The following SETBP1 variants were observed in gnomAD, a reference collection of about 807,000 sequenced individuals.
SETBP1 encodes SET-binding protein.
Under a neutral mutation model 101.0 loss-of-function variants are expected in SETBP1, and 9 were observed. The ratio of observed to expected loss-of-function variants is 0.09; its 90% CI spans 0.05 to 0.16. The LOEUF is 0.16. SETBP1 is among the 10% of genes least tolerant of loss of function. The pLI is 1.00. For synonymous variants in SETBP1, 818 were observed against 788.5 expected (o/e 1.04, Z -0.63); for missense variants, 1,858 against 2,033.8 (o/e 0.91, Z 1.66).
At position 45,063,630 on chromosome 18, in the gene SETBP1, C is replaced by T; in HGVS notation, c.4723C>T (p.Gln1575Ter). 2 of 1,604,422 alleles carry T rather than the reference C, an allele frequency of 1.2e-6. No homozygotes were observed. Among genetic ancestry groups the T allele is most frequent in the Non-Finnish European group, 1.7e-6 (2 of 1,175,660 alleles). The change falls in exon 6 of 6, where the codon CAG becomes TAG. Residue 1575 changes from glutamine to a stop codon, truncating the protein, a stop_gained. Transcript: ENST00000649279. LOFTEE classifies it high-confidence loss of function. ...QQSPPQQPLP[Q>*]EEEVKAKRQR... ...GTCGCCCCCGCAGCAGCCCCTTCCC[C>T]AGGAAGAGGAGGTGAAAGCCAAAAG... is the stretch of plus-strand genomic sequence containing the variant.
In SETBP1 at chr18:45,065,622, T is replaced by C. The variant is rs766273084; in HGVS notation, c.*1924T>C. 1 of 152,242 alleles carries C rather than the reference T, an allele frequency of 6.6e-6. No homozygotes were observed. Among genetic ancestry groups the C allele is most frequent in the Non-Finnish European group, 1.5e-5 (1 of 68,042 alleles). 9.4% of individuals were successfully genotyped at this position (152,242 alleles called of 1,614,324 possible). A position where few individuals can be genotyped will look rare whatever the true frequency, so the allele number is the denominator to read the frequency against. On this transcript the variant is annotated 3_prime_UTR_variant, in exon 6 of 6. Transcript: ENST00000649279. ...TATGGCACCAAGAGTTGGTTGAAATTACCCACGTAGTCATACTCCTGTGCT... is the reference window on the plus strand; with the variant it reads ...TATGGCACCAAGAGTTGGTTGAAATCACCCACGTAGTCATACTCCTGTGCT...
chr18:44,726,882 T>C (rs1329071933), intron 2 of SETBP1, among the ~76,000 whole-genome samples: 1 of 152,216 alleles, frequency 6.6e-6, no homozygotes, highest in Non-Finnish European at 1.5e-5. Context: ...TGTTTCTGTT[T>C]TTCATTCTGG....
chr18:44,877,938 G>C (rs1190559715), intron 3 of SETBP1, among the ~76,000 whole-genome samples: 1 of 152,122 alleles, frequency 6.6e-6, no homozygotes, highest in East Asian at 1.9e-4. Context: ...AAGACATTCT[G>C]ACCATCTGAG....
chr18:44,768,140 G>T (rs1224138364), intron 2 of SETBP1, among the ~76,000 whole-genome samples: 2 of 152,202 alleles, frequency 1.3e-5, no homozygotes, highest in East Asian at 1.9e-4. Flanking sequence ...ATCTTGTAGA[G>T]TCTGGGCTGG....
intron 4 of SETBP1, among the ~76,000 whole-genome samples, chr18:44,956,259 C>G (rs113047104): frequency 6.6e-6 from 1 of 151,842 alleles, no homozygotes; most frequent in South Asian, 2.1e-4. Flanking sequence ...GGCTGTGCCC[C>G]CAAAGCATGA....
At chr18:44,869,145 T>G in intron 2 of SETBP1, 85 bp from the exon 3 acceptor site, 1 of 1,179,896 alleles carries the variant, frequency 8.5e-7, no homozygotes, top group Non-Finnish European at 1.3e-6. Flanking sequence ...CAGGCTATGG[T>G]AAGTCCATTG....
intron 2 of SETBP1, among the ~76,000 whole-genome samples, chr18:44,755,721 G>A (rs147548668): frequency 1.3e-5 from 2 of 151,990 alleles, no homozygotes; most frequent in African/African-American, 4.8e-5. Context: ...GCTTGCAGAC[G>A]ATCTCTCTTG....
intron 4 of SETBP1, among the ~76,000 whole-genome samples, chr18:45,004,839 T>C (rs2072691680): frequency 6.6e-6 from 1 of 152,240 alleles, no homozygotes. Context: ...GATTAGAGAA[T>C]GGTTTGCTTT....
chr18:44,970,894 A>T (rs567955166), intron 4 of SETBP1, among the ~76,000 whole-genome samples: 72 of 151,726 alleles, frequency 4.7e-4, no homozygotes, highest in Non-Finnish European at 7.4e-4. Flanking sequence ...TACTTTAAGT[A>T]TTAGGGTACA....
chr18:44,700,069 G>T (rs969389659), intron 1 of SETBP1, among the ~76,000 whole-genome samples: 1 of 152,176 alleles, frequency 6.6e-6, no homozygotes, highest in Admixed American at 6.5e-5. Context: ...TACAGCCTAA[G>T]GGTGGGAGGA....
At chr18:44,917,492 C>T (rs545309741) in intron 3 of SETBP1, among the ~76,000 whole-genome samples, 2 of 152,050 alleles carry the variant, frequency 1.3e-5, no homozygotes, top group African/African-American at 4.8e-5. Flanking sequence ...TTTTTTTAAC[C>T]CAGGACCAAG....
intron 2 of SETBP1, among the ~76,000 whole-genome samples, chr18:44,799,611 T>A (rs1286064243): frequency 1.3e-5 from 2 of 152,096 alleles, no homozygotes; most frequent in African/African-American, 4.8e-5. Flanking sequence ...TGAACCATGA[T>A]CACACTAGGC....
At chr18:44,725,996 C>G (rs910402265) in intron 2 of SETBP1, among the ~76,000 whole-genome samples, 5 of 152,140 alleles carry the variant, frequency 3.3e-5, no homozygotes, top group Non-Finnish European at 7.3e-5. Flanking sequence ...TCTCCTGGCT[C>G]TCTGGTGGCC....
chr18:44,866,150 T>G (rs2069123846), intron 2 of SETBP1, among the ~76,000 whole-genome samples: 1 of 152,170 alleles, frequency 6.6e-6, no homozygotes, highest in South Asian at 2.1e-4. Context: ...AAATTTAACC[T>G]CCAATTTCTA....
intron 3 of SETBP1, among the ~76,000 whole-genome samples, chr18:44,905,461 A>T (rs1171342156): frequency 6.6e-6 from 1 of 152,218 alleles, no homozygotes; most frequent in African/African-American, 2.4e-5. Context: ...TGTCTAACAC[A>T]TCTTAGATAC....
intron 2 of SETBP1, among the ~76,000 whole-genome samples, chr18:44,761,721 T>C (rs961921568): frequency 6.6e-6 from 1 of 152,258 alleles, no homozygotes; most frequent in Admixed American, 6.5e-5. Context: ...ATTTATGCCA[T>C]ACACATATTG....
chr18:45,006,048 G>T (rs1166031253), intron 4 of SETBP1, among the ~76,000 whole-genome samples: 1 of 149,708 alleles, frequency 6.7e-6, no homozygotes, highest in Non-Finnish European at 1.5e-5. Flanking sequence ...CCACCTCTCG[G>T]GTTCAAGTGA....
rs2073997627 is a variant in SETBP1 at position 45,068,501 on chromosome 18, T to C, written c.*4803T>C. On this transcript the variant is annotated 3_prime_UTR_variant, in exon 6 of 6. Transcript: ENST00000649279. ...ATTGTGTGAAATTAAAGACATTCAA[T>C]TCAGTCTAACATGAGTTGTGAATTC... 1 of 152,244 alleles carries C rather than the reference T, an allele frequency of 6.6e-6. No homozygotes were observed. Among genetic ancestry groups the C allele is most frequent in the African/African-American group, 2.4e-5 (1 of 41,466 alleles). 9.4% of individuals were successfully genotyped at this position (152,244 alleles called of 1,614,324 possible). A position where few individuals can be genotyped will look rare whatever the true frequency, so the allele number is the denominator to read the frequency against.
At chr18:44,903,046 G>T (rs1408212486) in intron 3 of SETBP1, among the ~76,000 whole-genome samples, 6 of 152,016 alleles carry the variant, frequency 3.9e-5, no homozygotes. Flanking sequence ...CCATTTGAAA[G>T]GTCGATTGCA....
Sources: allele counts gnomAD v4.1 joint callset (sites outside exome capture counted in the v4.1 genomes callset), GRCh38; gene constraint gnomAD v4.1.1; transcripts MANE v1.5; gene names NCBI Gene and HGNC (gene_info 2026-07-23, HGNC 2026-07-21).